Variants in VAC14 observed in about 807,000 individuals in gnomAD.
VAC14 encodes the protein protein VAC14 homolog.
Under a neutral mutation model 85.3 loss-of-function variants are expected in VAC14, and 47 were observed. The ratio of observed to expected loss-of-function variants is 0.55; its 90% confidence interval spans 0.44 to 0.70. The LOEUF (loss-of-function observed/expected upper bound fraction) is 0.70, where lower values mean the gene tolerates loss of function less well. Among genes scored for constraint, VAC14 ranks in the 30% least tolerant of loss-of-function variants. The probability of loss-of-function intolerance (pLI) is 0.00; values close to 1 mark genes in which losing one functional copy is unlikely to be tolerated. For synonymous variants in VAC14, 447 were observed against 430.5 expected (o/e 1.04, Z -0.47); for missense variants, 861 against 1,004.3 (o/e 0.86, Z 1.93).
intron 14 of VAC14, among the ~76,000 whole-genome samples, chr16:70,720,972 G>C (rs896474611): frequency 2.0e-5 from 3 of 152,248 alleles, no homozygotes; most frequent in Admixed American, 1.3e-4. Flanking sequence ...GAGTGCACTT[G>C]AATCATCTCA....
chr16:70,718,039 C>T (rs1025175918), intron 14 of VAC14, among the ~76,000 whole-genome samples: 18 of 152,240 alleles, frequency 1.2e-4, no homozygotes, highest in Admixed American at 4.6e-4. Flanking sequence ...AGAACACCTG[C>T]GTTCCAGGAG....
At chr16:70,691,524 C>CCCG in intron 18 of VAC14, 4 of 985,484 alleles carry the variant, frequency 4.1e-6, no homozygotes, top group Non-Finnish European at 4.8e-6. Context: ...CACATGCGCC[C>CCCG]CCGCTCCATG....
intron 13 of VAC14, among the ~76,000 whole-genome samples, chr16:70,740,719 C>T (rs1404610217): frequency 6.6e-6 from 1 of 152,232 alleles, no homozygotes; most frequent in Non-Finnish European, 1.5e-5. Context: ...GCTGCCCGCC[C>T]AGGCTGCTCC....
intron 18 of VAC14, chr16:70,691,703 G>A (rs1426802126): frequency 1.0e-6 from 1 of 985,300 alleles, no homozygotes; most frequent in East Asian, 1.1e-4. Flanking sequence ...GTCTTGGTTG[G>A]GGCCACACTT....
At chr16:70,777,576 G>A (rs1174882086) in intron 9 of VAC14, among the ~76,000 whole-genome samples, 1 of 152,206 alleles carries the variant, frequency 6.6e-6, no homozygotes, top group Non-Finnish European at 1.5e-5. Context: ...CCAGGGAAAC[G>A]GCACTGTGCT....
intron 13 of VAC14, among the ~76,000 whole-genome samples, chr16:70,736,956 G>C (rs2054775256): frequency 6.6e-6 from 1 of 152,156 alleles, no homozygotes; most frequent in African/African-American, 2.4e-5. Flanking sequence ...AGGACAGGGT[G>C]GGGGCTGCTC....
intron 8 of VAC14, among the ~76,000 whole-genome samples, 169 bp from the exon 9 acceptor site, chr16:70,781,108 A>G (rs1454353606): frequency 6.6e-6 from 1 of 152,090 alleles, no homozygotes; most frequent in African/African-American, 2.4e-5. Flanking sequence ...GTACTGAGCG[A>G]GTTGAGTGAG....
intron 9 of VAC14, among the ~76,000 whole-genome samples, chr16:70,775,214 C>T (rs1257930682): frequency 2.6e-5 from 4 of 152,178 alleles, no homozygotes; most frequent in Admixed American, 1.3e-4. Flanking sequence ...CAGCCTTGGC[C>T]TCTTAAAAGT....
intron 10 of VAC14, among the ~76,000 whole-genome samples, chr16:70,767,529 C>T (rs1275502857): frequency 6.6e-6 from 1 of 152,208 alleles, no homozygotes; most frequent in Non-Finnish European, 1.5e-5. Flanking sequence ...GACATCATGA[C>T]CCTTGGCAAC....
At chr16:70,734,660 T>A (rs1214121108) in intron 13 of VAC14, among the ~76,000 whole-genome samples, 1 of 152,124 alleles carries the variant, frequency 6.6e-6, no homozygotes, top group Non-Finnish European at 1.5e-5. Context: ...TATGGATATC[T>A]AATTGTTCCA....
rs772806003 is a variant in VAC14, at chr16:70,720,700, C to T, written c.1661+10795G>A. On this transcript the variant is annotated intron_variant, in intron 14 of 18. Transcript: ENST00000261776. ...ACTGATGACGAGGTGGATGGTGAAA[C>T]GGAGACACAAGTGCCACAATCAGGT... Among the ~76,000 whole-genome samples, 55 of 152,190 alleles carry T rather than the reference C, an allele frequency of 3.6e-4. 1 individual carries two copies. Among genetic ancestry groups the T allele is most frequent in the Admixed American group, 3.6e-3 (55 of 15,290 alleles).
intron 17 of VAC14, among the ~76,000 whole-genome samples, chr16:70,694,855 G>A (rs2053674152): frequency 6.6e-6 from 1 of 152,256 alleles, no homozygotes. Flanking sequence ...GTACAGGCAT[G>A]GCTCTTGGGC....
rs114146005 is a variant in VAC14 at position 70,717,907 on chromosome 16, G to A, written c.1661+13588C>T. Among the ~76,000 whole-genome samples, 749 of 152,326 alleles carry A rather than the reference G, an allele frequency of 4.9e-3. 5 individuals are homozygous for A. The highest frequency in any genetic ancestry group is 0.017 in the African/African-American group (720 of 41,566). ...GGGCTCAAGTGATCTGCCTGCCTTG[G>A]CCTCCCAAAGTGTGGGATTACTGGC... On this transcript the variant is annotated intron_variant, in intron 14 of 18. Transcript: ENST00000261776.
chr16:70,781,609 C>T (rs1002668398), intron 8 of VAC14, among the ~76,000 whole-genome samples: 1 of 152,148 alleles, frequency 6.6e-6, no homozygotes, highest in African/African-American at 2.4e-5. Context: ...AGTATGAACT[C>T]AGAGGGTTGG....
At chr16:70,742,035 G>C (rs967578342) in intron 13 of VAC14, among the ~76,000 whole-genome samples, 1 of 152,218 alleles carries the variant, frequency 6.6e-6, no homozygotes, top group Non-Finnish European at 1.5e-5. Flanking sequence ...ATGAGCAGGA[G>C]CCTAAATCAC....
intron 1 of VAC14, among the ~76,000 whole-genome samples, chr16:70,792,429 T>C (rs2034380172): frequency 6.6e-6 from 1 of 152,180 alleles, no homozygotes; most frequent in Admixed American, 6.5e-5. Flanking sequence ...CATCGCTGTC[T>C]TATACACCAG....
chr16:70,786,117 G>C, intron 2 of VAC14, 98 bp downstream of exon 2: 3 of 1,527,092 alleles, frequency 2.0e-6, no homozygotes, highest in South Asian at 2.5e-5. Flanking sequence ...ACATAGGTCT[G>C]CAATGCCCTA....
At chr16:70,706,378 G>A (rs536850345) in intron 14 of VAC14, among the ~76,000 whole-genome samples, 17 of 152,374 alleles carry the variant, frequency 1.1e-4, no homozygotes, top group African/African-American at 4.1e-4. Context: ...GAGGGCAACA[G>A]GCTTCAGGTG....
chr16:70,797,566 G>A (rs1177956298), intron 1 of VAC14, among the ~76,000 whole-genome samples: 1 of 152,142 alleles, frequency 6.6e-6, no homozygotes, highest in Non-Finnish European at 1.5e-5. Flanking sequence ...CTCTCTCTAT[G>A]TATACAGTTT....
Sources: allele counts gnomAD v4.1 joint callset (sites outside exome capture counted in the v4.1 genomes callset), GRCh38; gene constraint gnomAD v4.1.1; transcripts MANE v1.5; gene names NCBI Gene and HGNC (gene_info 2026-07-23, HGNC 2026-07-21).